CCDC188: variants seen among roughly 807,000 people sequenced by gnomAD.
CCDC188 encodes coiled-coil domain containing 188, also known as coiled-coil domain-containing protein 188.
In CCDC188, 37 loss-of-function variants were observed where a neutral mutation model predicts 50.7. The ratio of observed to expected loss-of-function variants is 0.73; its 90% CI spans 0.56 to 0.96. The LOEUF is 0.96. Among genes scored for constraint, CCDC188 ranks in the 40% least tolerant of loss-of-function variants. The probability of loss-of-function intolerance (pLI) is 0.00; values close to 1 mark genes in which losing one functional copy is unlikely to be tolerated. For missense variants in CCDC188, 453 were observed against 512.9 expected, an observed-to-expected ratio of 0.88 and a Z score of 1.13; for synonymous variants, 208 against 228.0, an observed-to-expected ratio of 0.91 and a Z score of 0.79.
chr22:20,150,889 G>A lies in CCDC188; in HGVS notation c.98C>T (p.Pro33Leu), dbSNP rs932593067. 5.4e-6 allele frequency: 8 copies of A among 1,482,954 alleles called. No individual in the cohort carries two copies. Among genetic ancestry groups the A allele is most frequent in the Non-Finnish European group, 7.2e-6 (8 of 1,106,998 alleles). The allele number at this position is 1,482,954 out of a possible 1,614,324, so 91.9% of individuals were successfully genotyped here. A position where few individuals can be genotyped will look rare whatever the true frequency, so the allele number is the denominator to read the frequency against. ...SSSHGGGLDQ[P>L]CQGFVGWPCL... is the part of the protein sequence containing the mutation. ...GGGCCACCCTACAAATCCCTGGCAG[G>A]GCTGGTCCAGGCCTCCTCCATGGCT... Residue 33 changes from proline to leucine, a missense_variant, in exon 1 of 9, where the codon CCC (proline) becomes CTC (leucine). Pro to Leu is a moderately conservative substitution (Grantham distance 98, BLOSUM62 -3). Transcript: ENST00000439765.
chr22:20,150,869 A>T lies in CCDC188; in HGVS notation c.118T>A (p.Trp40Arg), dbSNP rs2050614597. 1 of 1,499,862 alleles carries T rather than the reference A, an allele frequency of 6.7e-7. No individual in the cohort carries two copies. Among genetic ancestry groups the T allele is most frequent in the African/African-American group, 1.4e-5 (1 of 71,436 alleles). The allele number at this position is 1,499,862 out of a possible 1,614,324, so 92.9% of individuals were successfully genotyped here. A position where few individuals can be genotyped will look rare whatever the true frequency, so the allele number is the denominator to read the frequency against. The change falls in exon 1 of 9, where the codon TGG (tryptophan) becomes AGG (arginine). Residue 40 changes from tryptophan (W) to arginine (R), a missense_variant. Transcript: ENST00000439765. ...GAGGAGATGGGGCCCAGGCAGGGCC[A>T]CCCTACAAATCCCTGGCAGGGCTGG... Reference protein sequence around the residue: ...LDQPCQGFVGWPCLGPISSAH... With the variant: ...LDQPCQGFVGRPCLGPISSAH...
rs1346040570 is a variant in CCDC188 at position 20,148,798 on chromosome 22, A to G, written c.1025T>C (p.Leu342Pro). The G allele has an allele frequency of 2.0e-6, 3 of 1,464,368 alleles. No homozygotes were observed. The highest frequency in any genetic ancestry group is 1.8e-6 in the Non-Finnish European group (2 of 1,101,734). The allele number at this position is 1,464,368 out of a possible 1,614,324, so 90.7% of individuals were successfully genotyped here. A position where few individuals can be genotyped will look rare whatever the true frequency, so the allele number is the denominator to read the frequency against. Residue 342 changes from leucine to proline, a missense_variant and splice_region_variant, in exon 9 of 9, where the codon CTG (leucine) becomes CCG (proline). Physicochemically the swap from Leu to Pro is moderately conservative, Grantham distance 98 (BLOSUM62 -3). Transcript: ENST00000439765. ...GCCCAGCAGCAGCCTCAGGGTCAGCAGCCTGCGGGCGGCGGTGGTCAGGGG... is the reference window on the plus strand; with the variant it reads ...GCCCAGCAGCAGCCTCAGGGTCAGCGGCCTGCGGGCGGCGGTGGTCAGGGG... The part of the protein sequence containing the change: ...SSKGLAGQLW[L>P]LTLRLLLGAL...
chr22:20,149,932 C>G, intron 3 of CCDC188, 23 bp downstream of exon 3: 2 of 1,523,638 alleles, frequency 1.3e-6, no homozygotes, highest in Non-Finnish European at 1.8e-6. Flanking sequence ...CCTCCCCCCC[C>G]ACAGCCCCTC....
rs1307572329 is a variant in CCDC188 at position 20,149,340 on chromosome 22, G to T, written c.914+72C>A. The T allele has an allele frequency of 2.6e-6, 4 of 1,546,858 alleles. No individual in the cohort carries two copies. The African/African-American group carries it at 5.5e-5, about 21-fold the overall frequency. ...CTGTGGAGGTGGGGGGTCAAGGATG[G>T]GTCTGCCCTGTCCTGACCAGGACAC... On this transcript the variant is annotated intron_variant, in intron 6 of 8. Transcript: ENST00000439765.
chr22:20,148,764 C>T lies in CCDC188; in HGVS notation c.1059G>A (p.Leu353=). 8 of 1,481,140 alleles carry T rather than the reference C, an allele frequency of 5.4e-6. No homozygotes were observed. Among genetic ancestry groups the T allele is most frequent in the Non-Finnish European group, 7.2e-6 (8 of 1,109,206 alleles). 91.7% of individuals were successfully genotyped at this position (1,481,140 alleles called of 1,614,324 possible). A position where few individuals can be genotyped will look rare whatever the true frequency, so the allele number is the denominator to read the frequency against. ...CGTACACGTAGGCAGCGGTCCAGAC[C>T]AGCAGGGCGCCCAGCAGCAGCCTCA... ...LTLRLLLGAL[L]VWTAAYVYVV... Residue 353 remains leucine (L), a synonymous_variant, in exon 9 of 9, where the codon CTG becomes CTA. Transcript: ENST00000439765.
At position 20,149,469 on chromosome 22, in the gene CCDC188, T is replaced by C; in HGVS notation, c.857A>G (p.Lys286Arg). 2 of 1,550,148 alleles carry C rather than the reference T, an allele frequency of 1.3e-6. No individual in the cohort carries two copies. Among genetic ancestry groups the C allele is most frequent in the South Asian group, 2.4e-5 (2 of 84,044 alleles). ...NNQATGLLNL[K>R]KDIRGVLDQM... Reference sequence around the variant, plus strand: ...GTCCAGCACGCCCCGGATGTCCTTCTTGAGGTTCTGGGGGCCAGAGGAGGT... The same window carrying C: ...GTCCAGCACGCCCCGGATGTCCTTCCTGAGGTTCTGGGGGCCAGAGGAGGT... Residue 286 changes from lysine (K) to arginine (R), a missense_variant, in exon 6 of 9, where the codon AAG (lysine) becomes AGG (arginine). Physicochemically the swap from Lys to Arg is conservative, Grantham distance 26. Transcript: ENST00000439765.
chr22:20,149,065 C>T (rs1433763775), intron 7 of CCDC188, 122 bp downstream of exon 7: 21 of 1,267,320 alleles, frequency 1.7e-5, no homozygotes, highest in Non-Finnish European at 2.1e-5. Context: ...CTCCTGCAGC[C>T]ACTTTTCCGA....
rs113801743 is a variant in CCDC188, at chr22:20,150,663, G to A, written c.324C>T (p.His108=). ...TGGGAGCCCCCTGGTTCGACCCTGG[G>A]TGCAGGGGCCAGCCCCACCCAAGCC... is the stretch of plus-strand genomic sequence containing the variant. ...EAGLGWGWPL[H]PGSNQGAPRQ... is the part of the protein sequence containing the mutation. The change falls in exon 1 of 9, where the codon CAC becomes CAT. Residue 108 remains histidine, a synonymous_variant. Transcript: ENST00000439765. The A allele has an allele frequency of 2.1e-5, 32 of 1,548,138 alleles. No homozygotes were observed. The African/African-American group carries it at 2.3e-4, about 11-fold the overall frequency.
In CCDC188 at chr22:20,148,437, A is replaced by AT; in HGVS notation, c.*176dup. ...GTGCTCACCGGCCACTTATGTCATG[A>AT]TTCTATGTCCAGCCACAGGCCCAGC... On this transcript the variant is annotated 3_prime_UTR_variant, in exon 9 of 9. Coordinates refer to ENST00000439765, the MANE Select transcript of CCDC188 (RefSeq NM_001365892.2). 7.7e-7 allele frequency: 1 copy of AT among 1,293,290 alleles called. No homozygotes were observed. 80.1% of individuals were successfully genotyped at this position (1,293,290 alleles called of 1,614,324 possible).
Position 20,148,479 on chromosome 22 carries a change from A to T in CCDC188, c.*135T>A, listed in dbSNP as rs1316690609. On this transcript the variant is annotated 3_prime_UTR_variant, in exon 9 of 9. Transcript: ENST00000439765. ...AGGCCCAGCCCTCAGGACAGACCCC[A>T]CCTCCACCCTTCTCTGCAGCTTCTG... 215 of 1,381,758 alleles carry T rather than the reference A, an allele frequency of 1.6e-4. No individual in the cohort carries two copies. The highest frequency in any genetic ancestry group is 1.9e-4 in the Non-Finnish European group (203 of 1,071,728). The allele number at this position is 1,381,758 out of a possible 1,614,324, so 85.6% of individuals were successfully genotyped here.
chr22:20,149,284 C>T, intron 6 of CCDC188, 40 bp from the exon 7 acceptor site: 5 of 1,530,786 alleles, frequency 3.3e-6, no homozygotes, highest in Non-Finnish European at 4.4e-6. Context: ...ACCCTCCACC[C>T]CCAGCCTGGC....
chr22:20,149,488 A>C lies in CCDC188; in HGVS notation c.850-12T>G. 2 of 1,549,978 alleles carry C rather than the reference A, an allele frequency of 1.3e-6. No homozygotes were observed. Among genetic ancestry groups the C allele is most frequent in the Non-Finnish European group, 1.7e-6 (2 of 1,146,818 alleles). On this transcript the variant is annotated splice_polypyrimidine_tract_variant and intron_variant, in intron 5 of 8. Coordinates refer to ENST00000439765, the MANE Select transcript of CCDC188 (RefSeq NM_001365892.2). ...TCCTTCTTGAGGTTCTGGGGGCCAG[A>C]GGAGGTAAGCACAGCAGGCCCCTCG... is the stretch of plus-strand genomic sequence containing the variant.
chr22:20,149,918 G>T (rs1386052438), intron 3 of CCDC188, 37 bp downstream of exon 3: 9 of 1,513,526 alleles, frequency 5.9e-6, no homozygotes, highest in Non-Finnish European at 7.1e-6. Flanking sequence ...CTGTTACGAA[G>T]CTTCCTCCCC....
chr22:20,148,574 G>T lies in CCDC188; in HGVS notation c.*40C>A. The T allele has an allele frequency of 6.7e-7, 1 of 1,503,264 alleles. No homozygotes were observed. The allele number at this position is 1,503,264 out of a possible 1,614,324, so 93.1% of individuals were successfully genotyped here. A position where few individuals can be genotyped will look rare whatever the true frequency, so the allele number is the denominator to read the frequency against. ...GCCACTGGGCATCCGGGGCAGTGCT[G>T]GTCGCCTGGCCTCCTTGCTGGGGCC... On this transcript the variant is annotated 3_prime_UTR_variant, in exon 9 of 9. Transcript: ENST00000439765.
At chr22:20,149,908 C>T in intron 3 of CCDC188, 47 bp downstream of exon 3, 1 of 1,508,438 alleles carries the variant, frequency 6.6e-7, no homozygotes, top group Non-Finnish European at 8.9e-7. Flanking sequence ...ACCTGGAGTG[C>T]TGTTACGAAG....
Position 20,148,447 on chromosome 22 carries a change from C to T in CCDC188, c.*167G>A, listed in dbSNP as rs1381160255. 1.5e-6 allele frequency: 2 copies of T among 1,308,910 alleles called. No individual in the cohort carries two copies. The highest frequency in any genetic ancestry group is 1.9e-6 in the Non-Finnish European group (2 of 1,029,702). 81.1% of individuals were successfully genotyped at this position (1,308,910 alleles called of 1,614,324 possible). On this transcript the variant is annotated 3_prime_UTR_variant, in exon 9 of 9. Coordinates refer to ENST00000439765, the MANE Select transcript of CCDC188 (RefSeq NM_001365892.2). Reference sequence around the variant, plus strand: ...GCCACTTATGTCATGATTCTATGTCCAGCCACAGGCCCAGCCCTCAGGACA... The same window carrying T: ...GCCACTTATGTCATGATTCTATGTCTAGCCACAGGCCCAGCCCTCAGGACA...
In CCDC188 at chr22:20,149,061, CA is replaced by C. The variant is rs1349506448; in HGVS notation, c.972+125del. ...CCCCTTCCTCCTGGACAGGCTCCTG[CA>C]GCCACTTTTCCGATGCCCCCTGCCC... On this transcript the variant is annotated intron_variant, in intron 7 of 8. Transcript: ENST00000439765. 2.4e-6 allele frequency: 3 copies of C among 1,271,736 alleles called. No individual in the cohort carries two copies. The African/African-American group carries it at 4.5e-5, about 19-fold the overall frequency. The allele number at this position is 1,271,736 out of a possible 1,614,324, so 78.8% of individuals were successfully genotyped here. A position where few individuals can be genotyped will look rare whatever the true frequency, so the allele number is the denominator to read the frequency against.
chr22:20,150,652 T>A lies in CCDC188; in HGVS notation c.335A>T (p.Asn112Ile). Reference protein sequence around the residue: ...GWGWPLHPGSNQGAPRQGGSI... With the variant: ...GWGWPLHPGSIQGAPRQGGSI... ...TCCCCCCTGCCTGGGAGCCCCCTGGTTCGACCCTGGGTGCAGGGGCCAGCC... is the reference window on the plus strand; with the variant it reads ...TCCCCCCTGCCTGGGAGCCCCCTGGATCGACCCTGGGTGCAGGGGCCAGCC... Residue 112 changes from asparagine to isoleucine, a missense_variant, in exon 1 of 9, where the codon AAC (asparagine) becomes ATC (isoleucine). Coordinates refer to ENST00000439765, the MANE Select transcript of CCDC188 (RefSeq NM_001365892.2). The A allele has an allele frequency of 1.3e-6, 2 of 1,546,256 alleles. No individual in the cohort carries two copies. Among genetic ancestry groups the A allele is most frequent in the Non-Finnish European group, 1.7e-6 (2 of 1,144,036 alleles).
At chr22:20,148,843 T>C (rs2050564163) in intron 8 of CCDC188, 32 bp downstream of exon 8, 2 of 1,452,934 alleles carry the variant, frequency 1.4e-6, no homozygotes, top group Admixed American at 2.6e-5. Flanking sequence ...GCGGGGGGCC[T>C]GGGGGCTGGG....
Sources: gnomAD v4.1 joint callset for allele counts on GRCh38, gnomAD v4.1.1 for gene constraint, MANE v1.5 for transcripts, NCBI Gene and HGNC (gene_info 2026-07-23, HGNC 2026-07-21) for gene names.